The following HOMER1 variants were observed in gnomAD, a reference collection of about 807,000 sequenced individuals.
HOMER1 encodes the protein homer protein homolog 1.
A neutral mutation model predicts 48.9 loss-of-function variants in HOMER1; 3 were observed. That is an observed-to-expected ratio of 0.06 (90% confidence interval 0.03 to 0.16). The LOEUF (loss-of-function observed/expected upper bound fraction) is 0.16. HOMER1 is among the 10% of genes least tolerant of loss of function. HOMER1 has a pLI of 1.00. For missense variants in HOMER1, 247 were observed against 411.4 expected, an observed-to-expected ratio of 0.60 and a Z score of 3.46; for synonymous variants, 134 against 146.4, an observed-to-expected ratio of 0.92 and a Z score of 0.61.
chr5:79,426,007 A>G (rs1335814816), intron 5 of HOMER1, among the ~76,000 whole-genome samples: 1 of 151,960 alleles, frequency 6.6e-6, no homozygotes, highest in Non-Finnish European at 1.5e-5. Context: ...TAACTATGTC[A>G]CATTAAATGT....
At chr5:79,416,672 T>C (rs1212085198) in intron 5 of HOMER1, among the ~76,000 whole-genome samples, 1 of 152,224 alleles carries the variant, frequency 6.6e-6, no homozygotes, top group African/African-American at 2.4e-5. Flanking sequence ...TCTGTAGTCT[T>C]TGCCACATGC....
intron 1 of HOMER1, among the ~76,000 whole-genome samples, chr5:79,485,879 C>G (rs1241965137): frequency 6.6e-6 from 1 of 152,188 alleles, no homozygotes; most frequent in Admixed American, 6.5e-5. Flanking sequence ...ATTTCCCTAT[C>G]AAGAGGTAGA....
intron 2 of HOMER1, among the ~76,000 whole-genome samples, chr5:79,451,691 G>A (rs1400611002): frequency 6.7e-6 from 1 of 148,736 alleles, no homozygotes; most frequent in Non-Finnish European, 1.5e-5. Context: ...TCAGCCTCCT[G>A]AGTAGCTGGG....
intron 1 of HOMER1, among the ~76,000 whole-genome samples, chr5:79,472,444 T>C (rs1284605945): frequency 6.6e-6 from 1 of 152,148 alleles, no homozygotes; most frequent in Non-Finnish European, 1.5e-5. Flanking sequence ...TATGACATGA[T>C]TTACATTTTT....
At chr5:79,436,018 C>A (rs1053445680) in intron 5 of HOMER1, among the ~76,000 whole-genome samples, 15 of 149,166 alleles carry the variant, frequency 1.0e-4, no homozygotes, top group Admixed American at 2.0e-4. Context: ...CCCAGCTACT[C>A]GGGAGGCTGA....
At chr5:79,383,130 A>C (rs1346819795) in intron 8 of HOMER1, among the ~76,000 whole-genome samples, 1 of 152,232 alleles carries the variant, frequency 6.6e-6, no homozygotes, top group Non-Finnish European at 1.5e-5. Context: ...AGTAGAAAAC[A>C]TGAAGTCACT....
At chr5:79,469,163 G>A (rs917434815) in intron 1 of HOMER1, among the ~76,000 whole-genome samples, 1 of 152,158 alleles carries the variant, frequency 6.6e-6, no homozygotes, top group South Asian at 2.1e-4. Context: ...TTACTCCATT[G>A]TGAAAGGGTG....
chr5:79,509,127 G>A (rs1274029942), intron 1 of HOMER1, among the ~76,000 whole-genome samples: 1 of 152,176 alleles, frequency 6.6e-6, no homozygotes, highest in Non-Finnish European at 1.5e-5. Flanking sequence ...CCATCTTTCA[G>A]CAAAGAGACT....
At position 79,374,929 on chromosome 5, in the gene HOMER1, G is replaced by A. The variant is rs948458817; in HGVS notation, c.*1080C>T. 6.6e-6 allele frequency: 1 copy of A among 151,818 alleles called. No homozygotes were observed. Among genetic ancestry groups the A allele is most frequent in the Non-Finnish European group, 1.5e-5 (1 of 67,848 alleles). 9.4% of individuals were successfully genotyped at this position (151,818 alleles called of 1,614,324 possible). ...ATGTGTAGAGCCAGATAGAGTACAT[G>A]ACTCCATCTCTATCTGCCACGATCA... On this transcript the variant is annotated 3_prime_UTR_variant, in exon 9 of 9. Coordinates refer to ENST00000334082, the MANE Select transcript of HOMER1 (RefSeq NM_004272.5).
intron 2 of HOMER1, among the ~76,000 whole-genome samples, 172 bp from the exon 3 acceptor site, chr5:79,451,293 TG>T (rs1751021274): frequency 6.6e-6 from 1 of 152,196 alleles, no homozygotes; most frequent in Admixed American, 6.5e-5. Flanking sequence ...TGTGGAAATA[TG>T]TTAACTAAAA....
chr5:79,450,991 T>C lies in HOMER1; in HGVS notation c.293A>G (p.Lys98Arg). ...TTCAAATTTTATGATTTAACTCACTTTCGAAAGATGATGCTCAGAGGAGAA... is the reference window on the plus strand; with the variant it reads ...TTCAAATTTTATGATTTAACTCACTCTCGAAAGATGATGCTCAGAGGAGAA... ...LGFSSEHHLS[K>R]FAEKFQEFKE... The change falls in exon 3 of 9, where the codon AAA becomes AGA. Residue 98 changes from lysine to arginine, a missense_variant and splice_region_variant. Transcript: ENST00000334082. The C allele has an allele frequency of 6.2e-7, 1 of 1,612,206 alleles. No homozygotes were observed. The highest frequency in any genetic ancestry group is 8.5e-7 in the Non-Finnish European group (1 of 1,178,720).
At chr5:79,417,479 C>T (rs187714903) in intron 5 of HOMER1, among the ~76,000 whole-genome samples, 349 of 152,322 alleles carry the variant, frequency 2.3e-3, no homozygotes, top group African/African-American at 8.1e-3. Context: ...TGATTAAAAG[C>T]TTTCTTTGGA....
chr5:79,402,052 T>C lies in HOMER1; in HGVS notation c.531A>G (p.Ser177=), dbSNP rs1234730523. 1.2e-6 allele frequency: 2 copies of C among 1,611,876 alleles called. No individual in the cohort carries two copies. The highest frequency in any genetic ancestry group is 4.5e-5 in the East Asian group (2 of 44,802). Residue 177 remains serine (S), a synonymous_variant, in exon 6 of 9, where the codon TCA becomes TCG. Coordinates refer to ENST00000334082, the MANE Select transcript of HOMER1 (RefSeq NM_004272.5). The stretch of plus-strand genomic sequence containing the variant: ...CAGCCTCCCAATGTTTGCTGATTGC[T>C]GAACTAAAATAAAACAAAAAGAAAA... ...TQNALPFSHS[S]AISKHWEAEL...
At chr5:79,427,857 T>A (rs927971943) in intron 5 of HOMER1, among the ~76,000 whole-genome samples, 12 of 152,014 alleles carry the variant, frequency 7.9e-5, no homozygotes, top group Admixed American at 1.3e-4. Flanking sequence ...AAGGTTTTTT[T>A]ATATTATTTT....
At chr5:79,394,767 G>C (rs765201388) in intron 8 of HOMER1, among the ~76,000 whole-genome samples, 3 of 152,042 alleles carry the variant, frequency 2.0e-5, no homozygotes, top group Non-Finnish European at 4.4e-5. Flanking sequence ...GCAGCATTTC[G>C]CTATGTTGCC....
chr5:79,402,331 A>G (rs1398582294), intron 5 of HOMER1, among the ~76,000 whole-genome samples: 6 of 151,796 alleles, frequency 4.0e-5, no homozygotes. Flanking sequence ...ATGCCCAGTT[A>G]ATTTTTTTGT....
chr5:79,378,184 A>C (rs1222260749), intron 8 of HOMER1, among the ~76,000 whole-genome samples: 2 of 139,886 alleles, frequency 1.4e-5, no homozygotes, highest in African/African-American at 5.5e-5. Flanking sequence ...ACGTTACTGC[A>C]CTCCAGCCGC....
chr5:79,450,196 TCAAA>T (rs771608280), intron 3 of HOMER1, among the ~76,000 whole-genome samples: 1 of 152,212 alleles, frequency 6.6e-6, no homozygotes, highest in Non-Finnish European at 1.5e-5. Context: ...ACTGAATGCT[TCAAA>T]CAGAGGTTTT....
intron 1 of HOMER1, among the ~76,000 whole-genome samples, chr5:79,502,745 T>G (rs141787455): frequency 3.9e-5 from 6 of 152,170 alleles, no homozygotes; most frequent in African/African-American, 1.4e-4. Flanking sequence ...CTTGAACAAT[T>G]TGTGAGTTAA....
Sources: gnomAD v4.1 joint callset for allele counts (sites outside exome capture counted in the v4.1 genomes callset) on GRCh38, gnomAD v4.1.1 for gene constraint, MANE v1.5 for transcripts, NCBI Gene and HGNC (gene_info 2026-07-23, HGNC 2026-07-21) for gene names.